The following JARID2 variants were observed in gnomAD, a reference collection of about 807,000 sequenced individuals.
The protein encoded by JARID2 is jumonji and AT-rich interaction domain containing 2, also known as protein Jumonji.
A neutral mutation model predicts 125.6 loss-of-function variants in JARID2; 21 were observed. The observed-to-expected ratio is 0.17, with a 90% confidence interval of 0.12 to 0.24. The LOEUF (loss-of-function observed/expected upper bound fraction) is 0.24, where lower values mean the gene tolerates loss of function less well. JARID2 is among the 10% of genes least tolerant of loss of function. The pLI, the probability that JARID2 is intolerant of heterozygous loss-of-function variation, is 1.00. For synonymous variants in JARID2, 736 were observed against 661.6 expected (o/e 1.11, Z -1.73); for missense variants, 1,303 against 1,639.6 (o/e 0.79, Z 3.55).
At chr6:15,320,664 C>T (rs1383629560) in intron 1 of JARID2, among the ~76,000 whole-genome samples, 6 of 152,048 alleles carry the variant, frequency 3.9e-5, no homozygotes, top group Non-Finnish European at 8.8e-5. Context: ...ATCAGGGATC[C>T]TTCTTTAGTA....
chr6:15,475,772 C>T (rs1172688524), intron 5 of JARID2, among the ~76,000 whole-genome samples: 1 of 152,210 alleles, frequency 6.6e-6, no homozygotes, highest in African/African-American at 2.4e-5. Context: ...GTCTTCCCTC[C>T]TCACACCTCA....
At chr6:15,468,479 T>G in intron 4 of JARID2, 63 bp from the exon 5 acceptor site, 1 of 1,424,170 alleles carries the variant, frequency 7.0e-7, no homozygotes, top group Middle Eastern at 2.3e-4. Flanking sequence ...CATTGTGGTG[T>G]TCCTTCTGGA....
intron 2 of JARID2, among the ~76,000 whole-genome samples, chr6:15,384,829 T>C (rs999683180): frequency 2.6e-5 from 4 of 152,184 alleles, no homozygotes; most frequent in Non-Finnish European, 5.9e-5. Context: ...TGCCTTGGCC[T>C]CCCAGAGTGT....
In JARID2 at chr6:15,487,597, C is replaced by CTTCA. The variant is rs1450383696; in HGVS notation, c.906+56_906+59dup. ...TGCCAGACCCCAGTTTCCCACTTCA[C>CTTCA]TTCACCAAGCTAAAAATTCATCTTC... On this transcript the variant is annotated intron_variant, in intron 6 of 17. Coordinates refer to ENST00000341776, the MANE Select transcript of JARID2 (RefSeq NM_004973.4). The CTTCA allele has an allele frequency of 2.4e-5, 34 of 1,397,962 alleles. No individual in the cohort carries two copies. The Admixed American group carries it at 8.0e-4, about 33-fold the overall frequency. The allele number at this position is 1,397,962 out of a possible 1,614,324, so 86.6% of individuals were successfully genotyped here. A position where few individuals can be genotyped will look rare whatever the true frequency, so the allele number is the denominator to read the frequency against.
chr6:15,387,302 T>C (rs901304228), intron 2 of JARID2, among the ~76,000 whole-genome samples: 3 of 152,204 alleles, frequency 2.0e-5, no homozygotes, highest in African/African-American at 7.2e-5. Context: ...AAAGTCTGTA[T>C]ATTAGTCAGC....
At chr6:15,494,592 TA>T (rs886423708) in intron 6 of JARID2, among the ~76,000 whole-genome samples, 2 of 152,064 alleles carry the variant, frequency 1.3e-5, no homozygotes, top group Non-Finnish European at 2.9e-5. Flanking sequence ...GTATTTTTAG[TA>T]GAGACGGGGT....
chr6:15,246,995 T>C (rs1336796309), intron 1 of JARID2, among the ~76,000 whole-genome samples: 1 of 152,212 alleles, frequency 6.6e-6, no homozygotes, highest in Non-Finnish European at 1.5e-5. Context: ...GTGTAACGCA[T>C]GTGTGTTGGA....
rs144272480 is a variant in JARID2 at position 15,425,756 on chromosome 6, A to G, written c.323+15391A>G. 2.1e-3 allele frequency among the ~76,000 whole-genome samples: 320 copies of G among 152,362 alleles called. 2 individuals carry two copies. Among genetic ancestry groups the G allele is most frequent in the African/African-American group, 6.6e-3 (275 of 41,578 alleles). On this transcript the variant is annotated intron_variant, in intron 3 of 17. Transcript: ENST00000341776. ...GTTACGCAGTGTTAAGCATTCTGTA[A>G]TAGAAGCCTCAAATGGACTAAGAGC... is the stretch of plus-strand genomic sequence containing the variant.
At chr6:15,344,531 AATTCT>A (rs1763183532) in intron 1 of JARID2, among the ~76,000 whole-genome samples, 1 of 148,654 alleles carries the variant, frequency 6.7e-6, no homozygotes, top group Admixed American at 6.6e-5. Flanking sequence ...TAAAGTGTAC[AATTCT>A]TTTTTTTTTT....
rs1759690203 is a variant in JARID2, at chr6:15,256,964, AAGAT to A, written c.45+10384_45+10387del. ...GGAATCGGTATGAATCTAGTGCAAA[AAGAT>A]AGACTTAACTGATCACAATTTTGGA... On this transcript the variant is annotated intron_variant, in intron 1 of 17. Transcript: ENST00000341776. Among the ~76,000 whole-genome samples, 3 of 152,274 alleles carry A rather than the reference AAGAT, an allele frequency of 2.0e-5. No individual in the cohort carries two copies. The South Asian group carries it at 6.2e-4, about 32-fold the overall frequency.
intron 1 of JARID2, among the ~76,000 whole-genome samples, chr6:15,294,685 G>A (rs1761343744): frequency 6.6e-6 from 1 of 152,188 alleles, no homozygotes; most frequent in Non-Finnish European, 1.5e-5. Flanking sequence ...GGCTGGAGAG[G>A]TAGAACTTGC....
At chr6:15,456,292 T>G (rs1768174415) in intron 4 of JARID2, among the ~76,000 whole-genome samples, 1 of 152,250 alleles carries the variant, frequency 6.6e-6, no homozygotes, top group Admixed American at 6.5e-5. Flanking sequence ...AGTACCTGGC[T>G]TTGAAGTTTC....
At chr6:15,498,124 C>G (rs1187060114) in intron 7 of JARID2, among the ~76,000 whole-genome samples, 3 of 152,184 alleles carry the variant, frequency 2.0e-5, no homozygotes, top group Non-Finnish European at 4.4e-5. Flanking sequence ...CAGCCCATAG[C>G]CCTCTAGGGT....
intron 3 of JARID2, among the ~76,000 whole-genome samples, chr6:15,427,491 T>G (rs1175223585): frequency 6.6e-6 from 1 of 152,082 alleles, no homozygotes; most frequent in East Asian, 1.9e-4. Flanking sequence ...CCACCCCCCA[T>G]GTAAATTATG....
chr6:15,385,489 T>TTTAA (rs1764749512), intron 2 of JARID2, among the ~76,000 whole-genome samples: 1 of 150,908 alleles, frequency 6.6e-6, no homozygotes, highest in African/African-American at 2.4e-5. Context: ...ATATAGATTT[T>TTTAA]TTAATAGATT....
chr6:15,448,911 G>A (rs756274378), intron 3 of JARID2, among the ~76,000 whole-genome samples: 1 of 152,002 alleles, frequency 6.6e-6, no homozygotes, highest in African/African-American at 2.4e-5. Flanking sequence ...AATAAATTAG[G>A]CTTGTGTTTT....
chr6:15,419,209 T>G (rs1221160519), intron 3 of JARID2, among the ~76,000 whole-genome samples: 1 of 152,210 alleles, frequency 6.6e-6, no homozygotes, highest in Non-Finnish European at 1.5e-5. Context: ...TCAGGTTATT[T>G]GGAGTTTATT....
At chr6:15,441,712 TATG>T (rs976246153) in intron 3 of JARID2, among the ~76,000 whole-genome samples, 69 of 152,298 alleles carry the variant, frequency 4.5e-4, no homozygotes, top group African/African-American at 1.4e-3. Context: ...CTCCATCTGG[TATG>T]ATATTTCTGG....
intron 6 of JARID2, among the ~76,000 whole-genome samples, chr6:15,492,362 G>C (rs1481145550): frequency 6.6e-6 from 1 of 152,246 alleles, no homozygotes; most frequent in African/African-American, 2.4e-5. Context: ...CTCTTCTGTG[G>C]AATCCCTCAG....
Sources: gnomAD v4.1 joint callset for allele counts (sites outside exome capture counted in the v4.1 genomes callset) on GRCh38, gnomAD v4.1.1 for gene constraint, MANE v1.5 for transcripts, NCBI Gene and HGNC (gene_info 2026-07-23, HGNC 2026-07-21) for gene names.